The following COL25A1 variants were observed in gnomAD, a reference collection of about 807,000 sequenced individuals.
The protein encoded by COL25A1 is collagen alpha-1(XXV) chain.
A neutral mutation model predicts 128.4 loss-of-function variants in COL25A1; 103 were observed. The observed-to-expected ratio is 0.80, with a 90% CI of 0.68 to 0.94. The LOEUF is 0.94. Ranked by LOEUF, COL25A1 falls within the 40% of genes least tolerant of loss-of-function variation. The probability of loss-of-function intolerance (pLI) is 0.00; values close to 1 mark genes in which losing one functional copy is unlikely to be tolerated. For missense variants in COL25A1, 745 were observed against 840.0 expected, an observed-to-expected ratio of 0.89 and a Z score of 1.40; for synonymous variants, 279 against 277.2, an observed-to-expected ratio of 1.01 and a Z score of -0.06.
At chr4:109,095,983 T>C (rs1765362852) in intron 3 of COL25A1, among the ~76,000 whole-genome samples, 1 of 152,158 alleles carries the variant, frequency 6.6e-6, no homozygotes, top group Admixed American at 6.5e-5. Flanking sequence ...TGAAGATGAA[T>C]TCACTAACTG....
chr4:109,063,911 C>A (rs1413487345), intron 3 of COL25A1, among the ~76,000 whole-genome samples: 1 of 152,114 alleles, frequency 6.6e-6, no homozygotes, highest in Non-Finnish European at 1.5e-5. Context: ...TGAGGACTAA[C>A]CTGGCAGGAA....
intron 20 of COL25A1, among the ~76,000 whole-genome samples, chr4:108,865,440 A>G (rs1737777731): frequency 6.6e-6 from 1 of 152,176 alleles, no homozygotes; most frequent in Non-Finnish European, 1.5e-5. Context: ...ACAGCACTGA[A>G]GAGGTTGTGA....
intron 6 of COL25A1, among the ~76,000 whole-genome samples, chr4:109,002,765 A>T (rs933007492): frequency 1.3e-5 from 2 of 150,026 alleles, no homozygotes; most frequent in African/African-American, 2.4e-5. Context: ...ATATAGATAC[A>T]TTTTTTTTTT....
At position 109,302,353 on chromosome 4, in the gene COL25A1, C is replaced by A; in HGVS notation, c.-241G>T. 1 of 276,564 alleles carries A rather than the reference C, an allele frequency of 3.6e-6. No individual in the cohort carries two copies. Among genetic ancestry groups the A allele is most frequent in the Non-Finnish European group, 6.7e-6 (1 of 148,452 alleles). 17.1% of individuals were successfully genotyped at this position (276,564 alleles called of 1,614,324 possible). On this transcript the variant is annotated 5_prime_UTR_variant, in exon 1 of 38. Coordinates refer to ENST00000399132, the MANE Select transcript of COL25A1 (RefSeq NM_198721.4). ...GGACCGACACCTCTTTCGAGGGCCC[C>A]AACAGTGGCCGCTCAGGGTCCGAGG...
rs56935062 is a variant in COL25A1, at chr4:109,199,552, G to GAAA, written c.367+101028_367+101030dup. Among the ~76,000 whole-genome samples the GAAA allele has an allele frequency of 1.2e-4, 18 of 145,806 alleles. No homozygotes were observed. In the South Asian group the frequency reaches 2.8e-3, roughly 23 times the overall value. On this transcript the variant is annotated intron_variant, in intron 3 of 37. Coordinates refer to ENST00000399132, the MANE Select transcript of COL25A1 (RefSeq NM_198721.4). ...AGTTATGATATAGTATTATTTTCCA[G>GAAA]AAAAAAAAAACTAATGCCTTTTTAT... is the stretch of plus-strand genomic sequence containing the variant.
chr4:109,084,383 C>T (rs771488294), intron 3 of COL25A1, among the ~76,000 whole-genome samples: 6 of 152,126 alleles, frequency 3.9e-5, no homozygotes, highest in Non-Finnish European at 8.8e-5. Context: ...AGTTTAAAAA[C>T]TAAAACTGTA....
At position 109,167,046 on chromosome 4, in the gene COL25A1, G is replaced by A. The variant is rs1333656105; in HGVS notation, c.368-116867C>T. On this transcript the variant is annotated intron_variant, in intron 3 of 37. Coordinates refer to ENST00000399132, the MANE Select transcript of COL25A1 (RefSeq NM_198721.4). ...TCTAGAAAATGAATATGATCAATGA[G>A]GTCTTTGTTTAACAAATTTGCTTTT... 3.9e-5 allele frequency among the ~76,000 whole-genome samples: 6 copies of A among 152,140 alleles called. No homozygotes were observed. The South Asian group carries it at 6.2e-4, about 16-fold the overall frequency.
chr4:109,108,178 G>A (rs940015100), intron 3 of COL25A1, among the ~76,000 whole-genome samples: 35 of 152,006 alleles, frequency 2.3e-4, no homozygotes, highest in Non-Finnish European at 4.0e-4. Context: ...TATCCCTTCC[G>A]GCTCCCCCCA....
At chr4:109,005,194 C>T (rs917320593) in intron 6 of COL25A1, among the ~76,000 whole-genome samples, 3 of 152,172 alleles carry the variant, frequency 2.0e-5, no homozygotes, top group East Asian at 1.9e-4. Context: ...GCCAGCACTT[C>T]ACAAGGTCAG....
chr4:109,234,954 G>C (rs1690172598), intron 3 of COL25A1, among the ~76,000 whole-genome samples: 1 of 152,014 alleles, frequency 6.6e-6, no homozygotes, highest in Non-Finnish European at 1.5e-5. Context: ...GCAAATCTGT[G>C]ATTGCTGGCA....
At chr4:109,215,339 T>A (rs1404665821) in intron 3 of COL25A1, among the ~76,000 whole-genome samples, 3 of 152,184 alleles carry the variant, frequency 2.0e-5, no homozygotes, top group Admixed American at 6.6e-5. Context: ...CCAGCTTTCA[T>A]GACTCACATC....
chr4:109,086,934 T>C (rs1187985829), intron 3 of COL25A1, among the ~76,000 whole-genome samples: 1 of 152,156 alleles, frequency 6.6e-6, no homozygotes. Context: ...TGGAGTGCTG[T>C]CTCTTTCCAA....
intron 8 of COL25A1, among the ~76,000 whole-genome samples, chr4:108,971,138 T>C (rs1324766366): frequency 6.6e-6 from 1 of 152,170 alleles, no homozygotes; most frequent in Non-Finnish European, 1.5e-5. Context: ...TGAAAGAATT[T>C]TCACTTTTCT....
At chr4:108,987,122 C>G (rs1347300174) in intron 6 of COL25A1, among the ~76,000 whole-genome samples, 1 of 152,106 alleles carries the variant, frequency 6.6e-6, no homozygotes, top group Non-Finnish European at 1.5e-5. Flanking sequence ...CCCATTCATG[C>G]CAAATAAAGC....
chr4:108,850,515 G>A (rs888405788), intron 26 of COL25A1, among the ~76,000 whole-genome samples: 2 of 152,092 alleles, frequency 1.3e-5, no homozygotes, highest in East Asian at 3.9e-4. Context: ...GGCAAGGGTA[G>A]GAGGTAAGCG....
At chr4:109,269,933 G>A (rs1782079335) in intron 3 of COL25A1, among the ~76,000 whole-genome samples, 1 of 152,134 alleles carries the variant, frequency 6.6e-6, no homozygotes, top group African/African-American at 2.4e-5. Context: ...ATCAATAAAT[G>A]TAATCCAGCA....
chr4:109,087,994 T>C (rs1764560493), intron 3 of COL25A1, among the ~76,000 whole-genome samples: 1 of 151,452 alleles, frequency 6.6e-6, no homozygotes, highest in South Asian at 2.1e-4. Flanking sequence ...GAAGCTTCTG[T>C]GGTAATGAAT....
rs376749092 is a variant in COL25A1, at chr4:109,026,975, C to T, written c.421-16600G>A. ...ATTCCATTCCTTAAATCTCAGAGGACTCTGAAATAGAAGTCTGCTAGGGAT... is the reference window on the plus strand; with the variant it reads ...ATTCCATTCCTTAAATCTCAGAGGATTCTGAAATAGAAGTCTGCTAGGGAT... On this transcript the variant is annotated intron_variant, in intron 5 of 37. Coordinates refer to ENST00000399132, the MANE Select transcript of COL25A1 (RefSeq NM_198721.4). 2.1e-4 allele frequency among the ~76,000 whole-genome samples: 32 copies of T among 152,272 alleles called. No individual in the cohort carries two copies. The South Asian group carries it at 3.5e-3, about 17-fold the overall frequency.
chr4:109,182,599 C>A (rs1774763558), intron 3 of COL25A1, among the ~76,000 whole-genome samples: 1 of 152,012 alleles, frequency 6.6e-6, no homozygotes, highest in Admixed American at 6.6e-5. Flanking sequence ...ACATCTGTTC[C>A]AACAGAGTAC....
Sources: allele counts gnomAD v4.1 joint callset (sites outside exome capture counted in the v4.1 genomes callset), GRCh38; gene constraint gnomAD v4.1.1; transcripts MANE v1.5; gene names NCBI Gene and HGNC (gene_info 2026-07-23, HGNC 2026-07-21).